Variants in PTPRN2 observed in about 807,000 individuals in gnomAD.
The protein encoded by PTPRN2 is protein tyrosine phosphatase receptor type N2, also known as receptor-type tyrosine-protein phosphatase N2.
In PTPRN2, 74 loss-of-function variants were observed where a neutral mutation model predicts 118.8. That is an observed-to-expected ratio of 0.62 (90% confidence interval 0.52 to 0.76). The LOEUF is 0.76. Ranked by LOEUF, PTPRN2 falls within the 30% of genes least tolerant of loss-of-function variation. PTPRN2 has a pLI of 0.00. For synonymous variants in PTPRN2, 641 were observed against 608.0 expected (o/e 1.05, Z -0.80); for missense variants, 1,481 against 1,394.4 (o/e 1.06, Z -0.99).
At chr7:158,106,378 C>T (rs1213870440) in intron 10 of PTPRN2, among the ~76,000 whole-genome samples, 1 of 152,068 alleles carries the variant, frequency 6.6e-6, no homozygotes, top group Non-Finnish European at 1.5e-5. Context: ...CCAACCTCCA[C>T]CTCTGCTCCC....
chr7:158,199,455 C>T (rs181438262), intron 4 of PTPRN2, among the ~76,000 whole-genome samples: 1 of 152,328 alleles, frequency 6.6e-6, no homozygotes, highest in Admixed American at 6.5e-5. Flanking sequence ...CTTGTGGTTG[C>T]CACTCTGGTA....
intron 15 of PTPRN2, among the ~76,000 whole-genome samples, chr7:157,604,601 A>C (rs947611859): frequency 2.1e-4 from 32 of 152,378 alleles, no homozygotes; most frequent in African/African-American, 7.7e-4. Flanking sequence ...CAAAATAGAA[A>C]GTTTCATAGT....
At chr7:157,775,742 T>C (rs374314560) in intron 12 of PTPRN2, among the ~76,000 whole-genome samples, 3 of 152,170 alleles carry the variant, frequency 2.0e-5, no homozygotes, top group Middle Eastern at 3.4e-3. Flanking sequence ...GCATCCAGGG[T>C]TTCCTGCCCC....
intron 2 of PTPRN2, among the ~76,000 whole-genome samples, chr7:158,415,352 T>C (rs1259054110): frequency 6.6e-6 from 1 of 152,192 alleles, no homozygotes; most frequent in Non-Finnish European, 1.5e-5. Context: ...CCAGCAGCCT[T>C]GCTGCCTGGG....
At position 157,918,401 on chromosome 7, in the gene PTPRN2, G is replaced by A. The variant is rs140700480; in HGVS notation, c.1724-19664C>T. Reference sequence around the variant, plus strand: ...TCCACATGGCAACAGGTAAACCATCGAAGGAACAGGAGGGAAGCTGAGGAG... The same window carrying A: ...TCCACATGGCAACAGGTAAACCATCAAAGGAACAGGAGGGAAGCTGAGGAG... On this transcript the variant is annotated intron_variant, in intron 11 of 22. Coordinates refer to ENST00000389418, the MANE Select transcript of PTPRN2 (RefSeq NM_002847.5). 2.2e-4 allele frequency among the ~76,000 whole-genome samples: 34 copies of A among 152,262 alleles called. 1 individual carries two copies. The highest frequency in any genetic ancestry group is 7.5e-4 in the African/African-American group (31 of 41,534).
At chr7:157,745,096 C>T (rs897445442) in intron 12 of PTPRN2, among the ~76,000 whole-genome samples, 4 of 152,178 alleles carry the variant, frequency 2.6e-5, no homozygotes, top group Admixed American at 6.5e-5. Context: ...TCCCCTTGCA[C>T]GGAGCTAAGA....
At chr7:158,139,982 C>CAGGAAGTGCTGGGAGGAACCA (rs1554553743) in intron 6 of PTPRN2, among the ~76,000 whole-genome samples, 19,436 of 152,024 alleles carry the variant, frequency 0.13, 1,578 homozygotes, top group African/African-American at 0.23. Context: ...GGCCTGCACA[C>CAGGAAGTGCTGGGAGGAACCA]AGGCTGAAGA....
At chr7:158,247,190 G>A (rs1305590867) in intron 3 of PTPRN2, among the ~76,000 whole-genome samples, 2 of 152,176 alleles carry the variant, frequency 1.3e-5, no homozygotes, top group Non-Finnish European at 2.9e-5. Context: ...GCCCGTGGGT[G>A]GCACCCCCCA....
At position 157,870,275 on chromosome 7, in the gene PTPRN2, G is replaced by C. The variant is rs554155919; in HGVS notation, c.1788+28398C>G. 2.0e-5 allele frequency among the ~76,000 whole-genome samples: 3 copies of C among 152,296 alleles called. No individual in the cohort carries two copies. The South Asian group carries it at 6.2e-4, about 32-fold the overall frequency. ...GTTAATTGTTGGTTCTCTCCAATTA[G>C]GATATAAACAAGGTTAATTTTTTCC... On this transcript the variant is annotated intron_variant, in intron 12 of 22. Coordinates refer to ENST00000389418, the MANE Select transcript of PTPRN2 (RefSeq NM_002847.5).
intron 3 of PTPRN2, among the ~76,000 whole-genome samples, chr7:158,311,306 T>G (rs559150963): frequency 6.6e-6 from 1 of 152,296 alleles, no homozygotes; most frequent in East Asian, 1.9e-4. Context: ...ACATATTTGG[T>G]TTTTTTGCTT....
At chr7:158,026,507 A>G (rs1056613317) in intron 11 of PTPRN2, among the ~76,000 whole-genome samples, 2 of 152,234 alleles carry the variant, frequency 1.3e-5, no homozygotes, top group African/African-American at 4.8e-5. Context: ...ATTGATCGAA[A>G]TTATTCTTTT....
intron 13 of PTPRN2, among the ~76,000 whole-genome samples, chr7:157,670,260 G>A (rs910559203): frequency 4.6e-5 from 7 of 152,168 alleles, no homozygotes; most frequent in African/African-American, 1.2e-4. Context: ...CACGGGACCC[G>A]CGGTCAGCTG....
chr7:157,559,828 C>A (rs938609442), intron 21 of PTPRN2, among the ~76,000 whole-genome samples: 10 of 152,064 alleles, frequency 6.6e-5, no homozygotes, highest in Non-Finnish European at 1.3e-4. Context: ...GGGCTGTGGC[C>A]CCCCCCGCCC....
In PTPRN2 at chr7:157,598,839, T is replaced by C. The variant is rs1420265727; in HGVS notation, c.2419-3524A>G. On this transcript the variant is annotated intron_variant, in intron 16 of 22. Coordinates refer to ENST00000389418, the MANE Select transcript of PTPRN2 (RefSeq NM_002847.5). This position sits in a 1 kb window ranked among gnomAD's most constrained non-coding sequence, Gnocchi z 5.2. ...TGGTGTGCGGGGCCAAGCATCTGAA[T>C]GGCGAGGTGCGGTCATTTCTGAGCG... Among the ~76,000 whole-genome samples the C allele has an allele frequency of 6.6e-6, 1 of 152,134 alleles. No individual in the cohort carries two copies. Among genetic ancestry groups the C allele is most frequent in the East Asian group, 1.9e-4 (1 of 5,200 alleles).
chr7:157,802,199 G>A (rs548222639), intron 12 of PTPRN2, among the ~76,000 whole-genome samples: 15 of 152,322 alleles, frequency 9.8e-5, no homozygotes, highest in Non-Finnish European at 1.5e-4. Flanking sequence ...TTGAGGCCGC[G>A]TCGCTGAAAC....
chr7:157,615,311 C>T lies in PTPRN2; in HGVS notation c.2344+6051G>A, dbSNP rs944905143. On this transcript the variant is annotated intron_variant, in intron 15 of 22. Coordinates refer to ENST00000389418, the MANE Select transcript of PTPRN2 (RefSeq NM_002847.5). The surrounding 1 kb of genome is among the most constrained non-coding windows in gnomAD (Gnocchi z 4.3). ...CTGCAAGAGCGGTGTGCGTGGGTTG[C>T]GGCTGGGTCTGCGCTGGGGTAGTGT... 8.1e-5 allele frequency: 31 copies of T among 381,154 alleles called. No individual in the cohort carries two copies. Among genetic ancestry groups the T allele is most frequent in the South Asian group, 3.2e-4 (16 of 50,334 alleles). The allele number at this position is 381,154 out of a possible 1,614,324, so 23.6% of individuals were successfully genotyped here.
In PTPRN2 at chr7:158,509,990, T is replaced by C. The variant is rs73180232; in HGVS notation, c.113-20205A>G. 4.8e-3 allele frequency among the ~76,000 whole-genome samples: 729 copies of C among 152,210 alleles called. 4 individuals are homozygous for C. The highest frequency in any genetic ancestry group is 0.014 in the Middle Eastern group (4 of 294). ...ACACAAGTCAAGCCTTAAAAAGCCA[T>C]TCTCTCGGCAGAGAAGAACAGGCAC... is the stretch of plus-strand genomic sequence containing the variant. On this transcript the variant is annotated intron_variant, in intron 1 of 22. Coordinates refer to ENST00000389418, the MANE Select transcript of PTPRN2 (RefSeq NM_002847.5). The surrounding 1 kb of genome is among the most constrained non-coding windows in gnomAD (Gnocchi z 4.4).
intron 6 of PTPRN2, among the ~76,000 whole-genome samples, chr7:158,154,170 C>A (rs1488858721): frequency 6.6e-6 from 1 of 152,190 alleles, no homozygotes; most frequent in Non-Finnish European, 1.5e-5. Flanking sequence ...AAAAGATTCA[C>A]TGCCTTCCAG....
At chr7:158,087,898 A>G (rs558111145) in intron 10 of PTPRN2, among the ~76,000 whole-genome samples, 57 of 94,186 alleles carry the variant, frequency 6.1e-4, no homozygotes, top group South Asian at 1.2e-3. Context: ...CCCTGATGAA[A>G]GAGGGAGTCT....
Sources: allele counts gnomAD v4.1 joint callset (sites outside exome capture counted in the v4.1 genomes callset), GRCh38; gene constraint gnomAD v4.1.1; non-coding constraint Gnocchi (gnomAD v3.1); transcripts MANE v1.5; gene names NCBI Gene and HGNC (gene_info 2026-07-23, HGNC 2026-07-21).